PID1: variants seen among roughly 807,000 people sequenced by gnomAD.
PID1 encodes phosphotyrosine interaction domain containing 1, also known as PTB-containing, cubilin and LRP1-interacting protein.
Under a neutral mutation model 19.1 loss-of-function variants are expected in PID1, and 10 were observed. The observed-to-expected ratio is 0.52, with a 90% CI of 0.32 to 0.89. The LOEUF is 0.89. Among genes scored for constraint, PID1 ranks in the 40% least tolerant of loss-of-function variants. PID1 has a pLI of 0.03. For missense variants in PID1, 248 were observed against 285.3 expected, an observed-to-expected ratio of 0.87 and a Z score of 0.94; for synonymous variants, 130 against 116.0, an observed-to-expected ratio of 1.12 and a Z score of -0.78.
At chr2:229,083,295 AC>A (rs1423754116) in intron 2 of PID1, among the ~76,000 whole-genome samples, 1 of 152,218 alleles carries the variant, frequency 6.6e-6, no homozygotes, top group Admixed American at 6.5e-5. Flanking sequence ...CAAGTAATGG[AC>A]TGCCCAGCAC....
chr2:229,061,959 A>C (rs1430749072), intron 2 of PID1, among the ~76,000 whole-genome samples: 1 of 151,946 alleles, frequency 6.6e-6, no homozygotes, highest in African/African-American at 2.4e-5. Context: ...AACTTTACTG[A>C]ATTAATTTAT....
At chr2:229,174,665 T>A (rs1431575466) in intron 1 of PID1, among the ~76,000 whole-genome samples, 1 of 142,690 alleles carries the variant, frequency 7.0e-6, no homozygotes, top group African/African-American at 2.5e-5. Flanking sequence ...GGTACAGAGA[T>A]TTTTTTTGCC....
At chr2:229,062,863 T>A (rs1694239958) in intron 2 of PID1, among the ~76,000 whole-genome samples, 1 of 151,968 alleles carries the variant, frequency 6.6e-6, no homozygotes, top group South Asian at 2.1e-4. Flanking sequence ...TCTTGGCAGA[T>A]TCTAGGAATG....
At chr2:229,069,524 A>C (rs1447573649) in intron 2 of PID1, among the ~76,000 whole-genome samples, 1 of 152,196 alleles carries the variant, frequency 6.6e-6, no homozygotes, top group Non-Finnish European at 1.5e-5. Flanking sequence ...ACAACAAGAA[A>C]GTACTTGGTG....
intron 1 of PID1, chr2:229,244,916 A>G (rs1489640168): frequency 2.6e-5 from 4 of 152,120 alleles, no homozygotes. Flanking sequence ...TTCAGTGCTC[A>G]GAGAAATAGA....
At chr2:229,127,616 G>A (rs1164669686) in intron 2 of PID1, among the ~76,000 whole-genome samples, 1 of 152,138 alleles carries the variant, frequency 6.6e-6, no homozygotes, top group African/African-American at 2.4e-5. Context: ...ATCATTCTTT[G>A]TGGCACGGCC....
At chr2:229,154,418 C>T (rs1220663501) in intron 2 of PID1, among the ~76,000 whole-genome samples, 1 of 152,138 alleles carries the variant, frequency 6.6e-6, no homozygotes, top group Admixed American at 6.5e-5. Flanking sequence ...AGGTTCTTCA[C>T]AAATTGGATT....
intron 2 of PID1, among the ~76,000 whole-genome samples, chr2:229,136,085 G>A (rs573918227): frequency 6.6e-6 from 1 of 152,262 alleles, no homozygotes; most frequent in South Asian, 2.1e-4. Flanking sequence ...ACTCACTCTT[G>A]CTGTCTCACT....
At chr2:229,114,080 G>C (rs1176496651) in intron 2 of PID1, among the ~76,000 whole-genome samples, 2 of 150,022 alleles carry the variant, frequency 1.3e-5, no homozygotes, top group Admixed American at 1.3e-4. Flanking sequence ...GGCCTACCTT[G>C]TAAATTTTGG....
At chr2:229,155,474 G>A (rs1690347045) in intron 2 of PID1, among the ~76,000 whole-genome samples, 1 of 151,950 alleles carries the variant, frequency 6.6e-6, no homozygotes, top group Admixed American at 6.6e-5. Flanking sequence ...TCAGGAGGCT[G>A]AGGCAGGAGA....
intron 2 of PID1, among the ~76,000 whole-genome samples, chr2:229,084,664 T>C (rs1380011236): frequency 6.6e-6 from 1 of 152,168 alleles, no homozygotes; most frequent in Non-Finnish European, 1.5e-5. Flanking sequence ...ACCACTACAG[T>C]ATTTGTTGTA....
chr2:229,103,727 C>T (rs1695119331), intron 2 of PID1, among the ~76,000 whole-genome samples: 1 of 152,050 alleles, frequency 6.6e-6, no homozygotes, highest in African/African-American at 2.4e-5. Flanking sequence ...CAGGTGCCCG[C>T]CACCATGCCC....
intron 1 of PID1, among the ~76,000 whole-genome samples, chr2:229,213,796 C>T (rs1341683334): frequency 6.6e-6 from 1 of 152,146 alleles, no homozygotes; most frequent in Non-Finnish European, 1.5e-5. Context: ...ACAAATCATA[C>T]AATATGTTGT....
chr2:229,161,640 A>G (rs372564759), intron 1 of PID1, among the ~76,000 whole-genome samples: 1 of 152,250 alleles, frequency 6.6e-6, no homozygotes. Context: ...CCTTAATGAT[A>G]AAGTACCAAT....
chr2:229,128,613 G>A (rs1184941989), intron 2 of PID1, among the ~76,000 whole-genome samples: 3 of 152,074 alleles, frequency 2.0e-5, no homozygotes, highest in Non-Finnish European at 4.4e-5. Context: ...AAAGAACCAT[G>A]AGGATTTCTT....
At chr2:229,175,526 T>A (rs4973172) in intron 1 of PID1, among the ~76,000 whole-genome samples, 1 of 152,216 alleles carries the variant, frequency 6.6e-6, no homozygotes. Flanking sequence ...CATTTTTGTA[T>A]TTCCAAGAAT....
At chr2:229,230,475 T>C (rs1692181499) in intron 1 of PID1, among the ~76,000 whole-genome samples, 1 of 152,226 alleles carries the variant, frequency 6.6e-6, no homozygotes, top group Non-Finnish European at 1.5e-5. Flanking sequence ...CCAAAGCTTG[T>C]TTATCTCTTT....
chr2:229,223,887 T>A (rs186090162), intron 1 of PID1, among the ~76,000 whole-genome samples: 1 of 152,178 alleles, frequency 6.6e-6, no homozygotes, highest in Non-Finnish European at 1.5e-5. Context: ...GCCCAAATAG[T>A]GGACATAGTA....
chr2:229,030,793 A>G (rs558720296), intron 2 of PID1, among the ~76,000 whole-genome samples: 1 of 152,334 alleles, frequency 6.6e-6, no homozygotes, highest in Admixed American at 6.5e-5. Context: ...TATAAAATAA[A>G]GATTTTGAAA....
Sources: allele counts gnomAD v4.1 joint callset (sites outside exome capture counted in the v4.1 genomes callset), GRCh38; gene constraint gnomAD v4.1.1; transcripts MANE v1.5; gene names NCBI Gene and HGNC (gene_info 2026-07-23, HGNC 2026-07-21).